The following ARL8A variants were observed in gnomAD, a reference collection of about 807,000 sequenced individuals.
ARL8A encodes ADP-ribosylation factor-like protein 8A.
In ARL8A, 10 loss-of-function variants were observed where a neutral mutation model predicts 31.2. The ratio of observed to expected loss-of-function variants is 0.32; its 90% CI spans 0.20 to 0.54. The LOEUF is 0.54. ARL8A is among the 20% of genes least tolerant of loss of function. ARL8A has a pLI of 0.93. For missense variants in ARL8A, 129 were observed against 242.8 expected (o/e 0.53, Z 3.12); for synonymous variants, 70 against 86.9 (o/e 0.81, Z 1.08).
intron 3 of ARL8A, among the ~76,000 whole-genome samples, chr1:202,137,635 A>T (rs996042536): frequency 1.3e-5 from 2 of 152,174 alleles, no homozygotes; most frequent in Non-Finnish European, 2.9e-5. Context: ...TCTCAAAAAA[A>T]AAAAAAAGAA....
In ARL8A at chr1:202,135,906, T is replaced by C; in HGVS notation, c.279-106A>G. ...TGGAGGTGAAAGCATCTGTTGCAGC[T>C]TGGTCACCTCGGGATCCATGGGCTA... On this transcript the variant is annotated intron_variant, in intron 3 of 6. Transcript: ENST00000272217. This position sits in a 1 kb window ranked among gnomAD's most constrained non-coding sequence, Gnocchi z 5.3. The C allele has an allele frequency of 1.8e-6, 2 of 1,092,794 alleles. No homozygotes were observed. Among genetic ancestry groups the C allele is most frequent in the Non-Finnish European group, 2.8e-6 (2 of 724,676 alleles). The allele number at this position is 1,092,794 out of a possible 1,614,324, so 67.7% of individuals were successfully genotyped here.
At position 202,138,801 on chromosome 1, in the gene ARL8A, C is replaced by T. The variant is rs796384821; in HGVS notation, c.124-353G>A. Among the ~76,000 whole-genome samples the T allele has an allele frequency of 2.6e-4, 40 of 152,302 alleles. 1 individual carries two copies. The highest frequency in any genetic ancestry group is 9.6e-4 in the African/African-American group (40 of 41,564). ...AAGAAATTACCTTCCAGCAAGAGAA[C>T]TTGAAGCAAGTCATGTTCTAATAGT... On this transcript the variant is annotated intron_variant, in intron 1 of 6. Coordinates refer to ENST00000272217, the MANE Select transcript of ARL8A (RefSeq NM_138795.4). The surrounding 1 kb of genome is among the most constrained non-coding windows in gnomAD (Gnocchi z 4.4).
Position 202,144,621 on chromosome 1 carries a change from C to G in ARL8A, c.-49G>C. The G allele has an allele frequency of 7.4e-7, 1 of 1,348,224 alleles. No homozygotes were observed. The highest frequency in any genetic ancestry group is 9.7e-7 in the Non-Finnish European group (1 of 1,027,578). 83.5% of individuals were successfully genotyped at this position (1,348,224 alleles called of 1,614,324 possible). A position where few individuals can be genotyped will look rare whatever the true frequency, so the allele number is the denominator to read the frequency against. On this transcript the variant is annotated 5_prime_UTR_variant, in exon 1 of 7. Coordinates refer to ENST00000272217, the MANE Select transcript of ARL8A (RefSeq NM_138795.4). The surrounding 1 kb of genome is among the most constrained non-coding windows in gnomAD (Gnocchi z 5.2). The stretch of plus-strand genomic sequence containing the variant: ...GGTGCCAGGTCCCCGCCGCCCCTCG[C>G]TGCCCTCGCGCTGCGGCCCGGAGCG...
Position 202,135,778 on chromosome 1 carries a change from G to A in ARL8A, c.301C>T (p.Gln101Ter). ...AIVYMVDAAD[Q>*]EKIEASKNEL... is the part of the protein sequence containing the mutation. Reference sequence around the variant, plus strand: ...TTCTTAGAGGCCTCAATCTTCTCCTGGTCAGCAGCATCCACCATGTACCTG... The same window carrying A: ...TTCTTAGAGGCCTCAATCTTCTCCTAGTCAGCAGCATCCACCATGTACCTG... The change falls in exon 4 of 7, where the codon CAG becomes TAG. Residue 101 changes from glutamine (Q) to a stop codon, truncating the protein, a stop_gained. Transcript: ENST00000272217. LOFTEE classifies it high-confidence loss of function. This position sits in a 1 kb window ranked among gnomAD's most constrained non-coding sequence, Gnocchi z 5.3. 1 of 1,614,100 alleles carries A rather than the reference G, an allele frequency of 6.2e-7. No individual in the cohort carries two copies. The highest frequency in any genetic ancestry group is 2.2e-5 in the East Asian group (1 of 44,886).
chr1:202,141,894 C>T (rs1191444242), intron 1 of ARL8A, among the ~76,000 whole-genome samples: 7 of 150,712 alleles, frequency 4.6e-5, no homozygotes, highest in Admixed American at 2.6e-4. Context: ...GACGGAGTTT[C>T]GCTCTTGTTG....
Position 202,135,875 on chromosome 1 carries a change from G to T in ARL8A, c.279-75C>A. ...GGTGGTGCAAGGAAGAGAAGGAGCT[G>T]CTGCTTGGAGGTGAAAGCATCTGTT... On this transcript the variant is annotated intron_variant, in intron 3 of 6. Transcript: ENST00000272217. The surrounding 1 kb of genome is among the most constrained non-coding windows in gnomAD (Gnocchi z 5.3). 1 of 1,359,728 alleles carries T rather than the reference G, an allele frequency of 7.4e-7. No homozygotes were observed. Among genetic ancestry groups the T allele is most frequent in the Non-Finnish European group, 1.0e-6 (1 of 953,644 alleles). The allele number at this position is 1,359,728 out of a possible 1,614,324, so 84.2% of individuals were successfully genotyped here. A position where few individuals can be genotyped will look rare whatever the true frequency, so the allele number is the denominator to read the frequency against.
chr1:202,139,661 T>C (rs1232271873), intron 1 of ARL8A, among the ~76,000 whole-genome samples: 38 of 66,044 alleles, frequency 5.8e-4, no homozygotes, highest in African/African-American at 1.8e-3. Context: ...TTTTTTTTTT[T>C]CTGAGACAGA....
At chr1:202,143,775 C>T (rs1394357133) in intron 1 of ARL8A, among the ~76,000 whole-genome samples, 1 of 152,228 alleles carries the variant, frequency 6.6e-6, no homozygotes, top group East Asian at 1.9e-4. Flanking sequence ...CTCCTGCAAA[C>T]TTCTGAGCCA....
At chr1:202,139,247 G>A (rs1310316558) in intron 1 of ARL8A, among the ~76,000 whole-genome samples, 1 of 152,128 alleles carries the variant, frequency 6.6e-6, no homozygotes, top group Non-Finnish European at 1.5e-5. Flanking sequence ...TCACAGGTAG[G>A]ACACTTCTGC....
Position 202,138,294 on chromosome 1 carries a change from A to ACACACACACACACAC in ARL8A, c.204+73_204+74insGTGTGTGTGTGTGTG, listed in dbSNP as rs1655070307. The ACACACACACACACAC allele has an allele frequency of 8.4e-7, 1 of 1,192,398 alleles. No individual in the cohort carries two copies. The highest frequency in any genetic ancestry group is 1.6e-5 in the African/African-American group (1 of 63,574). 73.9% of individuals were successfully genotyped at this position (1,192,398 alleles called of 1,614,324 possible). A position where few individuals can be genotyped will look rare whatever the true frequency, so the allele number is the denominator to read the frequency against. On this transcript the variant is annotated intron_variant, in intron 2 of 6. Transcript: ENST00000272217. This position sits in a 1 kb window ranked among gnomAD's most constrained non-coding sequence, Gnocchi z 4.4. ...CCCAGGGGCCTCCGTTGCCCTCCCCAACACACACACACACACACACACACA... is the reference window on the plus strand; with the variant it reads ...CCCAGGGGCCTCCGTTGCCCTCCCCACACACACACACACACACACACACACACACACACACACACA...
intron 1 of ARL8A, among the ~76,000 whole-genome samples, chr1:202,140,941 G>T (rs768299644): frequency 6.6e-6 from 1 of 152,084 alleles, no homozygotes; most frequent in African/African-American, 2.4e-5. Flanking sequence ...GAAGGGTTTC[G>T]GTCTCCTAGG....
rs1266109912 is a variant in ARL8A at position 202,144,345 on chromosome 1, C to A, written c.123+105G>T. On this transcript the variant is annotated intron_variant, in intron 1 of 6. Coordinates refer to ENST00000272217, the MANE Select transcript of ARL8A (RefSeq NM_138795.4). The surrounding 1 kb of genome is among the most constrained non-coding windows in gnomAD (Gnocchi z 5.2). ...CCCCCGCCCGGCGCCCGGCCGTGCC[C>A]GGCTATGCCAGGCGGCGACCCCGGC... The A allele has an allele frequency of 1.2e-6, 1 of 821,406 alleles. No homozygotes were observed. The highest frequency in any genetic ancestry group is 1.5e-6 in the Non-Finnish European group (1 of 678,184). The allele number at this position is 821,406 out of a possible 1,614,324, so 50.9% of individuals were successfully genotyped here.
intron 3 of ARL8A, among the ~76,000 whole-genome samples, chr1:202,137,541 C>T (rs531481560): frequency 5.3e-5 from 8 of 151,932 alleles, no homozygotes; most frequent in South Asian, 2.1e-4. Flanking sequence ...GTGGGAGAAT[C>T]GCTTGAACCT....
At position 202,134,633 on chromosome 1, in the gene ARL8A, G is replaced by C; in HGVS notation, c.512-117C>G. The C allele has an allele frequency of 1.1e-6, 1 of 917,660 alleles. No individual in the cohort carries two copies. The highest frequency in any genetic ancestry group is 1.8e-6 in the Non-Finnish European group (1 of 555,844). 56.8% of individuals were successfully genotyped at this position (917,660 alleles called of 1,614,324 possible). On this transcript the variant is annotated intron_variant, in intron 6 of 6. Coordinates refer to ENST00000272217, the MANE Select transcript of ARL8A (RefSeq NM_138795.4). The surrounding 1 kb of genome is among the most constrained non-coding windows in gnomAD (Gnocchi z 4.2). ...TCAGAAGTCCAGAGATGCCAGGAGG[G>C]GTGGCGCACACCTGGAGTCTCAGCT...
At chr1:202,139,718 T>A (rs1655117404) in intron 1 of ARL8A, among the ~76,000 whole-genome samples, 1 of 129,210 alleles carries the variant, frequency 7.7e-6, no homozygotes, top group Admixed American at 9.0e-5. Flanking sequence ...TGATCTCAGC[T>A]CACTGCAGCC....
At position 202,137,849 on chromosome 1, in the gene ARL8A, T is replaced by C. The variant is rs1459819329; in HGVS notation, c.278+116A>G. 7 of 1,140,858 alleles carry C rather than the reference T, an allele frequency of 6.1e-6. No homozygotes were observed. In the Admixed American group the frequency reaches 1.5e-4, roughly 24 times the overall value. 70.7% of individuals were successfully genotyped at this position (1,140,858 alleles called of 1,614,324 possible). ...AAACGCAGGCCCTGGACCGACACTG[T>C]GTCATGAACCAAGGATTATGTCTAA... On this transcript the variant is annotated intron_variant, in intron 3 of 6. Coordinates refer to ENST00000272217, the MANE Select transcript of ARL8A (RefSeq NM_138795.4).
At chr1:202,140,135 CT>C (rs148146346) in intron 1 of ARL8A, among the ~76,000 whole-genome samples, 75 of 144,980 alleles carry the variant, frequency 5.2e-4, no homozygotes, top group East Asian at 8.2e-4. Context: ...CTTTGATTCC[CT>C]TTTTTTTTTT....
Sources: allele counts gnomAD v4.1 joint callset (sites outside exome capture counted in the v4.1 genomes callset), GRCh38; gene constraint gnomAD v4.1.1; non-coding constraint Gnocchi (gnomAD v3.1); transcripts MANE v1.5; gene names NCBI Gene and HGNC (gene_info 2026-07-23, HGNC 2026-07-21).